EYA1: variants seen among roughly 807,000 people sequenced by gnomAD.
The protein encoded by EYA1 is EYA transcriptional coactivator and phosphatase 1.
In EYA1, 16 loss-of-function variants were observed where a neutral mutation model predicts 82.0. The ratio of observed to expected loss-of-function variants is 0.20; its 90% CI spans 0.13 to 0.30. EYA1 has a LOEUF of 0.30. EYA1 is among the 10% of genes least tolerant of loss of function. EYA1 has a pLI of 1.00. For synonymous variants in EYA1, 261 were observed against 264.4 expected (o/e 0.99, Z 0.12); for missense variants, 633 against 730.7 (o/e 0.87, Z 1.54).
chr8:71,298,806 T>C (rs1819869024), intron 9 of EYA1, among the ~76,000 whole-genome samples: 1 of 152,350 alleles, frequency 6.6e-6, no homozygotes, highest in South Asian at 2.1e-4. Context: ...AAATTGAGTA[T>C]ATTTACAAAT....
At chr8:71,461,308 G>A (rs1808345285) in intron 2 of EYA1, among the ~76,000 whole-genome samples, 1 of 152,168 alleles carries the variant, frequency 6.6e-6, no homozygotes, top group African/African-American at 2.4e-5. Flanking sequence ...GGGTGTGTTA[G>A]TGAGCGTGGC....
At chr8:71,302,792 C>A (rs75117932) in intron 7 of EYA1, among the ~76,000 whole-genome samples, 4,360 of 141,840 alleles carry the variant, frequency 0.031, 475 homozygotes, top group African/African-American at 0.1. Context: ...TTTCTTTACC[C>A]ATCTTTGGGT....
upstream of EYA1, among the ~76,000 whole-genome samples, chr8:71,364,098 G>A (rs1237856024): frequency 1.3e-5 from 2 of 151,716 alleles, no homozygotes; most frequent in Non-Finnish European, 2.9e-5. Flanking sequence ...TTAAATAAAT[G>A]ATGCATATAA....
chr8:71,253,821 A>G (rs1814044856), intron 11 of EYA1, among the ~76,000 whole-genome samples: 1 of 152,194 alleles, frequency 6.6e-6, no homozygotes, highest in South Asian at 2.1e-4. Context: ...CTTGTCCACT[A>G]AAGGTAACGA....
At chr8:71,369,780 C>T (rs1827978816) in intron 2 of EYA1, among the ~76,000 whole-genome samples, 1 of 152,056 alleles carries the variant, frequency 6.6e-6, no homozygotes, top group African/African-American at 2.4e-5. Flanking sequence ...AAATGATTTC[C>T]TTGAATTTCC....
chr8:71,374,460 C>T (rs181246822), intron 2 of EYA1, among the ~76,000 whole-genome samples: 6 of 152,082 alleles, frequency 3.9e-5, no homozygotes, highest in South Asian at 2.1e-4. Flanking sequence ...TTAGGACGTC[C>T]GTTACCAAAA....
In EYA1 at chr8:71,220,727, G is replaced by T. The variant is rs548159340; in HGVS notation, c.1141-3704C>A. Among the ~76,000 whole-genome samples, 5 of 152,322 alleles carry T rather than the reference G, an allele frequency of 3.3e-5. No individual in the cohort carries two copies. In the East Asian group the frequency reaches 9.6e-4, roughly 29 times the overall value. On this transcript the variant is annotated intron_variant, in intron 12 of 17. Transcript: ENST00000340726. Reference sequence around the variant, plus strand: ...TGGTAAGTGCTAAGGAAACAAAAAAGTAGATGAGGGAGAAATGCAATGCCA... The same window carrying T: ...TGGTAAGTGCTAAGGAAACAAAAAATTAGATGAGGGAGAAATGCAATGCCA...
At chr8:71,298,444 C>A (rs542893284) in intron 9 of EYA1, among the ~76,000 whole-genome samples, 1 of 152,224 alleles carries the variant, frequency 6.6e-6, no homozygotes, top group South Asian at 2.1e-4. Flanking sequence ...AAGAAAGAAT[C>A]AATGAGGGGA....
At chr8:71,296,803 A>G (rs1819648880) in intron 9 of EYA1, among the ~76,000 whole-genome samples, 1 of 152,148 alleles carries the variant, frequency 6.6e-6, no homozygotes. Flanking sequence ...CTTTTCATCA[A>G]GAATAGTAAG....
chr8:71,220,552 A>G lies in EYA1; in HGVS notation c.1141-3529T>C, dbSNP rs1809768234. Among the ~76,000 whole-genome samples, 4 of 152,220 alleles carry G rather than the reference A, an allele frequency of 2.6e-5. No homozygotes were observed. In the South Asian group the frequency reaches 8.3e-4, roughly 31 times the overall value. Reference sequence around the variant, plus strand: ...AGGTGGTCATTCATGTACGTGTCAAATTATTGAGAGGCTGCTGTGTTCCAG... The same window carrying G: ...AGGTGGTCATTCATGTACGTGTCAAGTTATTGAGAGGCTGCTGTGTTCCAG... On this transcript the variant is annotated intron_variant, in intron 12 of 17. Coordinates refer to ENST00000340726, the MANE Select transcript of EYA1 (RefSeq NM_000503.6).
At chr8:71,378,281 C>T (rs1218594449) in intron 2 of EYA1, among the ~76,000 whole-genome samples, 1 of 151,870 alleles carries the variant, frequency 6.6e-6, no homozygotes, top group Admixed American at 6.6e-5. Context: ...TAAGGGAAGA[C>T]CCTTTAAGAT....
exon 2 of EYA1, chr8:71,535,760 C>T (rs1172446748): frequency 3.3e-6 from 5 of 1,520,138 alleles, no homozygotes; most frequent in Middle Eastern, 1.7e-4. Flanking sequence ...TCCATTTATC[C>T]CCCGGGGGTC....
At chr8:71,375,104 G>A (rs74374186) in intron 2 of EYA1, among the ~76,000 whole-genome samples, 4 of 151,876 alleles carry the variant, frequency 2.6e-5, no homozygotes, top group Non-Finnish European at 1.5e-5. Flanking sequence ...TAATTATACC[G>A]CATTGTATAC....
chr8:71,299,870 A>G (rs1586249328), intron 7 of EYA1, 150 bp from the exon 8 acceptor site: 2 of 624,822 alleles, frequency 3.2e-6, no homozygotes, highest in South Asian at 3.7e-5. Flanking sequence ...TTTTCTTAAC[A>G]TAGTTGATGA....
chr8:71,396,270 G>T (rs1368930917), intron 2 of EYA1, among the ~76,000 whole-genome samples: 1 of 151,982 alleles, frequency 6.6e-6, no homozygotes, highest in Non-Finnish European at 1.5e-5. Context: ...TTTTTGAAGG[G>T]ATTTTTGTGT....
intron 12 of EYA1, among the ~76,000 whole-genome samples, chr8:71,240,593 G>A (rs1312212490): frequency 6.6e-6 from 1 of 152,194 alleles, no homozygotes; most frequent in Non-Finnish European, 1.5e-5. Flanking sequence ...CCCGAGACCA[G>A]AGATCTGGTT....
In EYA1 at chr8:71,346,454, ATC is replaced by A. The variant is rs1491506083; in HGVS notation, c.124+8326_124+8327del. 2.2e-3 allele frequency among the ~76,000 whole-genome samples: 294 copies of A among 134,182 alleles called. 4 individuals carry two copies. Among genetic ancestry groups the A allele is most frequent in the Middle Eastern group, 4.0e-3 (1 of 252 alleles). 88.0% of individuals were successfully genotyped at this position (134,182 alleles called of 152,430 possible). A position where few individuals can be genotyped will look rare whatever the true frequency, so the allele number is the denominator to read the frequency against. On this transcript the variant is annotated intron_variant, in intron 3 of 17. Coordinates refer to ENST00000340726, the MANE Select transcript of EYA1 (RefSeq NM_000503.6). ...TGAATATATATATATATATATATAT[ATC>A]TATATATATCCTTCTCCCTGCAGTT...
intron 2 of EYA1, among the ~76,000 whole-genome samples, chr8:71,523,173 CTTTTTCT>C (rs1443891287): frequency 6.3e-5 from 7 of 110,828 alleles, no homozygotes; most frequent in South Asian, 3.2e-4. Flanking sequence ...TTTCTTTTTT[CTTTTTCT>C]TTTTTTTTTT....
intron 1 of EYA1, 98 bp downstream of exon 1, chr8:71,361,549 C>G (rs1827376748): frequency 3.6e-6 from 2 of 549,822 alleles, no homozygotes; most frequent in Admixed American, 1.3e-4. Flanking sequence ...GAAAACAAAT[C>G]AAAACAATAA....
Sources: allele counts gnomAD v4.1 joint callset (sites outside exome capture counted in the v4.1 genomes callset), GRCh38; gene constraint gnomAD v4.1.1; transcripts MANE v1.5; gene names NCBI Gene and HGNC (gene_info 2026-07-23, HGNC 2026-07-21).